NGF: variants seen among roughly 807,000 people sequenced by gnomAD.
The protein encoded by NGF is beta-nerve growth factor.
NGF carries 4 observed loss-of-function variants against 12.8 expected under a neutral mutation model. That is an observed-to-expected ratio of 0.31 (90% CI 0.15 to 0.72). NGF has a LOEUF of 0.72. Ranked by LOEUF, NGF falls within the 30% of genes least tolerant of loss-of-function variation. NGF has a pLI of 0.69. For synonymous variants in NGF, 140 were observed against 130.0 expected, an observed-to-expected ratio of 1.08 and a Z score of -0.52; for missense variants, 283 against 330.8, an observed-to-expected ratio of 0.86 and a Z score of 1.12.
intron 2 of NGF, among the ~76,000 whole-genome samples, chr1:115,291,234 T>TA (rs369136032): frequency 2.6e-5 from 4 of 152,038 alleles, no homozygotes; most frequent in African/African-American, 4.8e-5. Flanking sequence ...CTTTTAAGTT[T>TA]AAAAAAAAAC....
At chr1:115,333,653 TTCTC>T (rs1174705225) in intron 1 of NGF, among the ~76,000 whole-genome samples, 88 of 147,130 alleles carry the variant, frequency 6.0e-4, no homozygotes, top group Non-Finnish European at 9.9e-4. Context: ...CTTTCTTTCT[TTCTC>T]TTTCTTTCTT....
chr1:115,304,329 A>ATTTTTTTTTTTTTTTTTTTTTTTT (rs58345237), intron 1 of NGF, among the ~76,000 whole-genome samples: 22 of 80,826 alleles, frequency 2.7e-4, no homozygotes, highest in South Asian at 5.1e-4. Context: ...TGCTTGGCTA[A>ATTTTTTTTTTTTTTTTTTTTTTTT]TTTTTTTTTT....
At chr1:115,334,921 C>G (rs1276560609) in intron 1 of NGF, among the ~76,000 whole-genome samples, 1 of 152,172 alleles carries the variant, frequency 6.6e-6, no homozygotes, top group Non-Finnish European at 1.5e-5. Context: ...TGCTCAAGGT[C>G]ACAAAGCTAC....
intron 1 of NGF, among the ~76,000 whole-genome samples, chr1:115,295,604 A>G (rs1050808923): frequency 2.6e-5 from 4 of 152,142 alleles, no homozygotes; most frequent in Non-Finnish European, 5.9e-5. Context: ...TGGAACCCAC[A>G]CACCTGCATT....
At chr1:115,337,572 C>T (rs564082601) in intron 1 of NGF, among the ~76,000 whole-genome samples, 1 of 152,164 alleles carries the variant, frequency 6.6e-6, no homozygotes, top group South Asian at 2.1e-4. Context: ...GGCCCCGGTA[C>T]GCCGGACGGA....
intron 1 of NGF, among the ~76,000 whole-genome samples, chr1:115,334,277 C>T (rs1183662958): frequency 2.6e-5 from 4 of 152,152 alleles, no homozygotes; most frequent in Non-Finnish European, 4.4e-5. Flanking sequence ...AGGGAAGGAA[C>T]CTCCTGATGC....
In NGF at chr1:115,316,827, T is replaced by A. The variant is rs368791853; in HGVS notation, c.-137+21377A>T. Among the ~76,000 whole-genome samples the A allele has an allele frequency of 1.7e-4, 26 of 152,314 alleles. No individual in the cohort carries two copies. In the East Asian group the frequency reaches 4.8e-3, roughly 28 times the overall value. On this transcript the variant is annotated intron_variant, in intron 1 of 2. Transcript: ENST00000369512. Reference sequence around the variant, plus strand: ...ATATTAAAAAAGAATTTCCAAACAATCTCAGAATTTGTTTCTGACAAGTTG... The same window carrying A: ...ATATTAAAAAAGAATTTCCAAACAAACTCAGAATTTGTTTCTGACAAGTTG...
intron 1 of NGF, among the ~76,000 whole-genome samples, chr1:115,320,161 C>T (rs1313361455): frequency 6.6e-6 from 1 of 152,106 alleles, no homozygotes; most frequent in Non-Finnish European, 1.5e-5. Flanking sequence ...GTGTTTGTGT[C>T]ACCCTCAGCC....
intron 1 of NGF, among the ~76,000 whole-genome samples, chr1:115,301,858 G>C (rs1654046822): frequency 6.6e-6 from 1 of 152,346 alleles, no homozygotes; most frequent in East Asian, 1.9e-4. Flanking sequence ...AAACTTGCCA[G>C]GCACTGTAAA....
chr1:115,315,758 T>G (rs1654461240), intron 1 of NGF, among the ~76,000 whole-genome samples: 1 of 152,188 alleles, frequency 6.6e-6, no homozygotes, highest in South Asian at 2.1e-4. Context: ...TTGGGACTTG[T>G]CTGGCATAGG....
Position 115,337,272 on chromosome 1 carries a change from T to TG in NGF, c.-137+931_-137+932insC, listed in dbSNP as rs1557950824. ...ATTTTTTTTGTTTTGTTTTTGTTTTTTTTTTTTTTTTTTTTTTTTTTTTTT... is the reference window on the plus strand; with the variant it reads ...ATTTTTTTTGTTTTGTTTTTGTTTTTGTTTTTTTTTTTTTTTTTTTTTTTTT... On this transcript the variant is annotated intron_variant, in intron 1 of 2. Transcript: ENST00000369512. Among the ~76,000 whole-genome samples the TG allele has an allele frequency of 4.6e-3, 237 of 52,056 alleles. 3 individuals carry two copies. The highest frequency in any genetic ancestry group is 8.8e-3 in the South Asian group (8 of 904). 34.2% of individuals were successfully genotyped at this position (52,056 alleles called of 152,430 possible). A position where few individuals can be genotyped will look rare whatever the true frequency, so the allele number is the denominator to read the frequency against.
At chr1:115,318,748 C>A (rs892068135) in intron 1 of NGF, among the ~76,000 whole-genome samples, 3 of 152,194 alleles carry the variant, frequency 2.0e-5, no homozygotes, top group African/African-American at 7.2e-5. Flanking sequence ...TCCCTACTCT[C>A]CCAACAGTAA....
intron 1 of NGF, among the ~76,000 whole-genome samples, chr1:115,305,579 C>A (rs1654180266): frequency 6.6e-6 from 1 of 152,092 alleles, no homozygotes; most frequent in Non-Finnish European, 1.5e-5. Flanking sequence ...ATCAGCACAC[C>A]CTTTTGAGTT....
At chr1:115,302,237 T>C (rs1228834221) in intron 1 of NGF, among the ~76,000 whole-genome samples, 1 of 152,244 alleles carries the variant, frequency 6.6e-6, no homozygotes, top group Non-Finnish European at 1.5e-5. Context: ...TGTAGTGTTT[T>C]ATTTAAGAAG....
chr1:115,299,071 G>A (rs769174345), intron 1 of NGF, among the ~76,000 whole-genome samples: 44 of 152,066 alleles, frequency 2.9e-4, no homozygotes, highest in Non-Finnish European at 5.4e-4. Flanking sequence ...GCTCTTTTTT[G>A]AGGGAAAAAT....
At chr1:115,324,209 G>A (rs905934099) in intron 1 of NGF, among the ~76,000 whole-genome samples, 5 of 152,130 alleles carry the variant, frequency 3.3e-5, no homozygotes, top group East Asian at 1.9e-4. Flanking sequence ...GTTTGATGAC[G>A]GGTCAGAGCA....
At chr1:115,317,914 A>T (rs1383399082) in intron 1 of NGF, among the ~76,000 whole-genome samples, 1 of 152,248 alleles carries the variant, frequency 6.6e-6, no homozygotes, top group Non-Finnish European at 1.5e-5. Context: ...ACATTCCTTC[A>T]TCTTCAGACC....
chr1:115,323,333 C>T (rs774548750), intron 1 of NGF, among the ~76,000 whole-genome samples: 2 of 152,142 alleles, frequency 1.3e-5, no homozygotes, highest in Non-Finnish European at 2.9e-5. Context: ...AGTACCAAAT[C>T]TGTGTCCACC....
chr1:115,318,180 C>A (rs13374803), intron 1 of NGF, among the ~76,000 whole-genome samples: 6,179 of 152,272 alleles, frequency 0.041, 394 homozygotes, highest in African/African-American at 0.14. Context: ...AGAAATGCCC[C>A]TTTCTTAGGC....
Sources: gnomAD v4.1 joint callset for allele counts (sites outside exome capture counted in the v4.1 genomes callset) on GRCh38, gnomAD v4.1.1 for gene constraint, MANE v1.5 for transcripts, NCBI Gene and HGNC (gene_info 2026-07-23, HGNC 2026-07-21) for gene names.